PSMA6: variants seen among roughly 807,000 people sequenced by gnomAD.
PSMA6 encodes proteasome 20S subunit alpha 6, also known as proteasome subunit alpha type-6.
For missense variants in PSMA6, 170 were observed against 294.8 expected, an observed-to-expected ratio of 0.58 and a Z score of 3.10; for synonymous variants, 88 against 97.7, an observed-to-expected ratio of 0.90 and a Z score of 0.59.
intron 1 of PSMA6, among the ~76,000 whole-genome samples, chr14:35,279,375 AT>A (rs2051341152): frequency 6.6e-6 from 1 of 152,164 alleles, no homozygotes; most frequent in Non-Finnish European, 1.5e-5. Flanking sequence ...AATAATGTAA[AT>A]TCATAAAAAG....
intron 1 of PSMA6, among the ~76,000 whole-genome samples, chr14:35,307,408 G>A (rs953943582): frequency 4.6e-5 from 7 of 152,156 alleles, no homozygotes; most frequent in African/African-American, 1.7e-4. Flanking sequence ...AAACATCATT[G>A]ATAAAGATGC....
chr14:35,315,773 C>A (rs895536618), intron 6 of PSMA6: 2 of 151,052 alleles, frequency 1.3e-5, no homozygotes, highest in African/African-American at 4.9e-5. Context: ...ACAATTAGTT[C>A]TTGTTTTCTT....
rs74449388 is a variant in PSMA6 at position 35,293,176 on chromosome 14, T to G, written c.76+624T>G. ...ATCTTTGGGAATCTGATAGAATGAG[T>G]GACTCAATTCTAGAGCTGCTCTTGA... On this transcript the variant is annotated intron_variant, in intron 1 of 6. Coordinates refer to ENST00000261479, the MANE Select transcript of PSMA6 (RefSeq NM_002791.3). The G allele has an allele frequency of 3.6e-3, 1,292 of 362,070 alleles. 11 individuals are homozygous for G. Among genetic ancestry groups the G allele is most frequent in the African/African-American group, 0.025 (1,174 of 47,108 alleles). The allele number at this position is 362,070 out of a possible 1,614,324, so 22.4% of individuals were successfully genotyped here. A position where few individuals can be genotyped will look rare whatever the true frequency, so the allele number is the denominator to read the frequency against.
intron 3 of PSMA6, chr14:35,310,448 A>G: frequency 2.6e-6 from 1 of 379,040 alleles, no homozygotes; most frequent in Non-Finnish European, 5.0e-6. Context: ...TGCCTCCTTA[A>G]TGCTTTTTCT....
upstream of PSMA6, chr14:35,292,334 A>C: frequency 6.7e-7 from 1 of 1,499,358 alleles, no homozygotes; most frequent in Non-Finnish European, 8.9e-7. Flanking sequence ...CTGGCTCCAG[A>C]GCCGTGAGTT....
At chr14:35,298,211 C>G (rs907860158) in intron 1 of PSMA6, among the ~76,000 whole-genome samples, 1 of 151,918 alleles carries the variant, frequency 6.6e-6, no homozygotes, top group Non-Finnish European at 1.5e-5. Context: ...AAAATGGGGC[C>G]GGACACAGTG....
At position 35,278,635 on chromosome 14, in the gene PSMA6, T is replaced by C. The variant is rs1566545501; in HGVS notation, c.-65T>C. 13 of 1,519,438 alleles carry C rather than the reference T, an allele frequency of 8.6e-6. No individual in the cohort carries two copies. In the Admixed American group the frequency reaches 9.8e-5, roughly 12 times the overall value. The allele number at this position is 1,519,438 out of a possible 1,614,324, so 94.1% of individuals were successfully genotyped here. ...ATGCGGCTCTGCTGGAGCAGGGTAG[T>C]GTCCTAGGCTGGGAGAATGGGATGG... is the stretch of plus-strand genomic sequence containing the variant. On this transcript the variant is annotated 5_prime_UTR_variant, in exon 1 of 7. Transcript: ENST00000540871.
intron 1 of PSMA6, among the ~76,000 whole-genome samples, chr14:35,284,511 T>C (rs929770006): frequency 1.3e-5 from 2 of 152,228 alleles, no homozygotes; most frequent in Non-Finnish European, 2.9e-5. Context: ...CATGGAACTC[T>C]GGTGGGGACG....
chr14:35,314,618 T>C (rs2052005526), intron 6 of PSMA6, 163 bp downstream of exon 6: 2 of 927,276 alleles, frequency 2.2e-6, no homozygotes, highest in Non-Finnish European at 2.9e-6. Flanking sequence ...TTTAAAACTT[T>C]GGACTCTATT....
chr14:35,289,858 G>T (rs1234998881), upstream of PSMA6, among the ~76,000 whole-genome samples: 1 of 148,694 alleles, frequency 6.7e-6, no homozygotes, highest in African/African-American at 2.5e-5. Context: ...AGGAGTTCAA[G>T]GCTGCAGTGA....
At chr14:35,300,460 A>G (rs2051690222) in intron 1 of PSMA6, among the ~76,000 whole-genome samples, 1 of 152,212 alleles carries the variant, frequency 6.6e-6, no homozygotes, top group Non-Finnish European at 1.5e-5. Flanking sequence ...CAACAGAGTG[A>G]GACCTTGTCT....
upstream of PSMA6, chr14:35,292,306 CAG>C (rs551731499): frequency 2.1e-4 from 307 of 1,436,828 alleles, 1 homozygote; most frequent in East Asian, 7.0e-3. Flanking sequence ...GGCGGGGCCT[CAG>C]AGCTCAGTGC....
chr14:35,280,124 C>G (rs2051350236), intron 1 of PSMA6, among the ~76,000 whole-genome samples: 1 of 147,622 alleles, frequency 6.8e-6, no homozygotes, highest in Non-Finnish European at 1.5e-5. Flanking sequence ...GAGCAAGACT[C>G]CGTCTCAAAA....
chr14:35,310,953 T>G, intron 4 of PSMA6, 58 bp downstream of exon 4: 1 of 1,514,852 alleles, frequency 6.6e-7, no homozygotes, highest in Non-Finnish European at 9.1e-7. Flanking sequence ...TTACAGAACA[T>G]GTATACAGAA....
At chr14:35,294,344 A>G (rs1218394790) in intron 1 of PSMA6, among the ~76,000 whole-genome samples, 3 of 152,212 alleles carry the variant, frequency 2.0e-5, no homozygotes, top group Admixed American at 6.5e-5. Flanking sequence ...CCTAGACAGA[A>G]TGATTTTAAT....
chr14:35,307,438 T>C (rs1383720966), intron 1 of PSMA6, among the ~76,000 whole-genome samples: 1 of 152,050 alleles, frequency 6.6e-6, no homozygotes, highest in Non-Finnish European at 1.5e-5. Flanking sequence ...AAAATTAAAT[T>C]AAACCATTAT....
chr14:35,316,348 T>C (rs1330010115), intron 6 of PSMA6: 1 of 138,680 alleles, frequency 7.2e-6, no homozygotes, highest in Non-Finnish European at 1.5e-5. Context: ...ATTGTGCCAC[T>C]GCACTCCAGC....
upstream of PSMA6, among the ~76,000 whole-genome samples, chr14:35,287,764 C>G (rs1217120580): frequency 1.3e-5 from 2 of 152,140 alleles, no homozygotes; most frequent in Non-Finnish European, 2.9e-5. Context: ...TCCACACAGA[C>G]ACAGCAAGTC....
upstream of PSMA6, among the ~76,000 whole-genome samples, chr14:35,291,253 T>C (rs1486181978): frequency 6.6e-6 from 1 of 151,148 alleles, no homozygotes; most frequent in African/African-American, 2.4e-5. Context: ...AGTCTCGCTC[T>C]GTCGCCCAGG....
Sources: gnomAD v4.1 joint callset for allele counts (sites outside exome capture counted in the v4.1 genomes callset) on GRCh38, gnomAD v4.1.1 for gene constraint, MANE v1.5 for transcripts, NCBI Gene and HGNC (gene_info 2026-07-23, HGNC 2026-07-21) for gene names.